The following ADGRL2 variants were observed in gnomAD, a reference collection of about 807,000 sequenced individuals.
The protein encoded by ADGRL2 is adhesion G protein-coupled receptor L2.
In ADGRL2, 44 loss-of-function variants were observed where a neutral mutation model predicts 157.4. That is an observed-to-expected ratio of 0.28 (90% CI 0.22 to 0.36). The LOEUF (loss-of-function observed/expected upper bound fraction) is 0.36. ADGRL2 is among the 10% of genes least tolerant of loss of function. The pLI is 1.00. For missense variants in ADGRL2, 1,510 were observed against 1,768.9 expected (o/e 0.85, Z 2.63); for synonymous variants, 585 against 624.7 (o/e 0.94, Z 0.95).
At position 81,981,882 on chromosome 1, in the gene ADGRL2, A is replaced by G. The variant is rs560086221; in HGVS notation, c.3188A>G (p.Asn1063Ser). Residue 1063 changes from asparagine to serine, a missense_variant, in exon 19 of 24, where the codon AAT (asparagine) becomes AGT (serine). Around this residue, in one of 4 missense-constraint regions of ADGRL2, gnomAD observed 497 missense variants for 627.2 expected, o/e 0.79. Coordinates refer to ENST00000686636, the MANE Select transcript of ADGRL2 (RefSeq NM_001366006.2). ...TGGTCCTTTGGGTTGCTTTTTATTA[A>G]TGAGGAGACTATTGTGATGGCATAT... ...LTWSFGLLFI[N>S]EETIVMAYLF... 6.2e-7 allele frequency: 1 copy of G among 1,612,328 alleles called. No homozygotes were observed. The highest frequency in any genetic ancestry group is 1.3e-5 in the African/African-American group (1 of 74,864).
At chr1:81,483,048 A>G (rs2078423529) in intron 2 of ADGRL2, among the ~76,000 whole-genome samples, 1 of 152,080 alleles carries the variant, frequency 6.6e-6, no homozygotes, top group Admixed American at 6.5e-5. Context: ...TGCTATAGAA[A>G]GTTGACAACT....
chr1:81,336,913 G>T (rs1661683673), intron 1 of ADGRL2, among the ~76,000 whole-genome samples: 2 of 152,114 alleles, frequency 1.3e-5, no homozygotes, highest in Admixed American at 1.3e-4. Context: ...GGCTCCACTG[G>T]CAGAGGAGCA....
intron 2 of ADGRL2, among the ~76,000 whole-genome samples, chr1:81,533,983 G>T (rs9887817): frequency 0.019 from 2,923 of 152,244 alleles, 92 homozygotes; most frequent in African/African-American, 0.066. Context: ...TCCAGACAAA[G>T]CCTCACTATG....
At chr1:81,744,854 T>C (rs977183788) in intron 1 of ADGRL2, among the ~76,000 whole-genome samples, 6 of 152,174 alleles carry the variant, frequency 3.9e-5, no homozygotes, top group African/African-American at 1.4e-4. Flanking sequence ...TCATATGAAA[T>C]TATGTTTGAA....
At chr1:81,629,667 ATGTGTG>A (rs60497907) in intron 3 of ADGRL2, among the ~76,000 whole-genome samples, 398 of 149,248 alleles carry the variant, frequency 2.7e-3, no homozygotes, top group South Asian at 5.1e-3. Flanking sequence ...ATGAATGTAT[ATGTGTG>A]TGTGTGTGTG....
chr1:81,886,215 A>G (rs2151320675), intron 2 of ADGRL2, among the ~76,000 whole-genome samples: 1 of 152,310 alleles, frequency 6.6e-6, no homozygotes. Flanking sequence ...TTTTGTCACC[A>G]GGCTGGAGTG....
chr1:81,876,900 A>C (rs769849485), intron 2 of ADGRL2, among the ~76,000 whole-genome samples: 4 of 152,130 alleles, frequency 2.6e-5, no homozygotes, highest in Non-Finnish European at 5.9e-5. Context: ...AAAGCTGTTG[A>C]CTGTGGTTGA....
chr1:81,506,212 A>G (rs1243050193), intron 2 of ADGRL2: 3 of 152,590 alleles, frequency 2.0e-5, no homozygotes, highest in Non-Finnish European at 4.4e-5. Flanking sequence ...GCCTCATTAA[A>G]TATTAAGAAC....
chr1:81,877,827 T>C (rs1022396941), intron 2 of ADGRL2, among the ~76,000 whole-genome samples: 4 of 152,098 alleles, frequency 2.6e-5, no homozygotes, highest in African/African-American at 7.2e-5. Flanking sequence ...AGTTATTGAG[T>C]GTGACTTATC....
chr1:81,976,847 G>A (rs1377152376), intron 17 of ADGRL2, among the ~76,000 whole-genome samples: 1 of 151,844 alleles, frequency 6.6e-6, no homozygotes, highest in East Asian at 1.9e-4. Flanking sequence ...CATTTGATGA[G>A]CATACCTATT....
chr1:81,545,488 C>T (rs1378985703), intron 2 of ADGRL2, among the ~76,000 whole-genome samples: 1 of 151,982 alleles, frequency 6.6e-6, no homozygotes, highest in Non-Finnish European at 1.5e-5. Context: ...ACCACGTTGG[C>T]CAGGCTGGTC....
rs113482442 is a variant in ADGRL2 at position 81,669,724 on chromosome 1, T to C, written c.-143+88744T>C. On this transcript the variant is annotated intron_variant, in intron 3 of 24. Coordinates refer to the ADGRL2 transcript ENST00000370721. The stretch of plus-strand genomic sequence containing the variant: ...TTGGGAGGCCAAGGCGGGCGGATCA[T>C]GAGGTCAGGAGATCGAGACCATCCT... Among the ~76,000 whole-genome samples the C allele has an allele frequency of 6.3e-3, 950 of 151,880 alleles. 8 individuals are homozygous for C. Among genetic ancestry groups the C allele is most frequent in the African/African-American group, 0.02 (820 of 41,456 alleles).
In ADGRL2 at chr1:81,711,896, T is replaced by C. The variant is rs145846853; in HGVS notation, c.-143+12088T>C. Among the ~76,000 whole-genome samples, 24 of 152,302 alleles carry C rather than the reference T, an allele frequency of 1.6e-4. No homozygotes were observed. The South Asian group carries it at 4.1e-3, about 26-fold the overall frequency. On this transcript the variant is annotated intron_variant, in intron 1 of 20. Coordinates refer to the ADGRL2 transcript ENST00000359929. ...AAGGTTAAGGGAGAAGATAGATTAA[T>C]GAACATGAATTTTCAGTGGTTTGTA...
At chr1:81,553,492 T>C (rs182916403) in intron 2 of ADGRL2, among the ~76,000 whole-genome samples, 81 of 152,292 alleles carry the variant, frequency 5.3e-4, no homozygotes, top group Non-Finnish European at 9.1e-4. Flanking sequence ...GAAAAGCAAA[T>C]TGACATTTGT....
intron 1 of ADGRL2, among the ~76,000 whole-genome samples, chr1:81,747,135 A>G (rs2085309602): frequency 7.2e-6 from 1 of 139,026 alleles, no homozygotes; most frequent in African/African-American, 3.0e-5. Flanking sequence ...ATATGTATAT[A>G]TGTATACATA....
intron 2 of ADGRL2, among the ~76,000 whole-genome samples, chr1:81,568,853 C>A (rs1271807414): frequency 6.6e-6 from 1 of 151,988 alleles, no homozygotes; most frequent in Non-Finnish European, 1.5e-5. Flanking sequence ...TACCTATGTT[C>A]TTGGATAGCA....
intron 3 of ADGRL2, among the ~76,000 whole-genome samples, chr1:81,586,975 G>A (rs757740747): frequency 6.6e-6 from 1 of 152,060 alleles, no homozygotes; most frequent in African/African-American, 2.4e-5. Context: ...AGTGTCATTA[G>A]ACTTAGGTGA....
At chr1:81,808,367 C>T (rs1409534590) in intron 1 of ADGRL2, among the ~76,000 whole-genome samples, 3 of 151,980 alleles carry the variant, frequency 2.0e-5, no homozygotes. Flanking sequence ...TCAAAAGTTA[C>T]CATGTTCACA....
intron 1 of ADGRL2, among the ~76,000 whole-genome samples, chr1:81,349,403 G>A (rs1478784606): frequency 2.0e-5 from 3 of 151,972 alleles, no homozygotes; most frequent in Admixed American, 6.6e-5. Context: ...TTTTCATTTC[G>A]TTTTAACCTG....
Sources: gnomAD v4.1 joint callset for allele counts (sites outside exome capture counted in the v4.1 genomes callset) on GRCh38, gnomAD v4.1.1 for gene constraint, gnomAD v4.1.1 regional missense constraint, MANE v1.5 for transcripts, NCBI Gene and HGNC (gene_info 2026-07-23, HGNC 2026-07-21) for gene names.